GLIS1: variants seen among roughly 807,000 people sequenced by gnomAD.
GLIS1 encodes the protein GLIS family zinc finger 1.
In GLIS1, 24 loss-of-function variants were observed where a neutral mutation model predicts 63.8. That is an observed-to-expected ratio of 0.38 (90% CI 0.27 to 0.53). The LOEUF is 0.53. Ranked by LOEUF, GLIS1 falls within the 20% of genes least tolerant of loss-of-function variation. The pLI is 0.85. For synonymous variants in GLIS1, 450 were observed against 482.5 expected (o/e 0.93, Z 0.88); for missense variants, 1,036 against 1,074.1 (o/e 0.96, Z 0.50).
At position 53,509,364 on chromosome 1, in the gene GLIS1, C is replaced by T. The variant is rs371224897; in HGVS notation, c.2063-77G>A. The T allele has an allele frequency of 2.4e-4, 326 of 1,354,830 alleles. 2 individuals are homozygous for T. In the South Asian group the frequency reaches 4.2e-3, roughly 17 times the overall value. 83.9% of individuals were successfully genotyped at this position (1,354,830 alleles called of 1,614,324 possible). A position where few individuals can be genotyped will look rare whatever the true frequency, so the allele number is the denominator to read the frequency against. On this transcript the variant is annotated intron_variant, in intron 9 of 10. Coordinates refer to ENST00000628545, the MANE Select transcript of GLIS1 (RefSeq NM_001367484.1). ...CAGGGAGGGGAACATCCTTGCTGCACGCTCCACCTCCCGTGTTGTCCTGTC... is the reference window on the plus strand; with the variant it reads ...CAGGGAGGGGAACATCCTTGCTGCATGCTCCACCTCCCGTGTTGTCCTGTC...
At chr1:53,530,981 A>G (rs1481958721) in intron 4 of GLIS1, among the ~76,000 whole-genome samples, 1 of 152,214 alleles carries the variant, frequency 6.6e-6, no homozygotes, top group Non-Finnish European at 1.5e-5. Context: ...TGGACACACA[A>G]CAGCTGTGAA....
At chr1:53,702,779 A>G (rs1646537836) in intron 2 of GLIS1, among the ~76,000 whole-genome samples, 1 of 152,192 alleles carries the variant, frequency 6.6e-6, no homozygotes. Flanking sequence ...CTGCATGGCC[A>G]TAAAACAAAG....
At position 53,582,651 on chromosome 1, in the gene GLIS1, A is replaced by G. The variant is rs369935060; in HGVS notation, c.1320+11457T>C. Among the ~76,000 whole-genome samples the G allele has an allele frequency of 1.2e-3, 178 of 152,364 alleles. 2 individuals carry two copies. The highest frequency in any genetic ancestry group is 3.9e-3 in the African/African-American group (161 of 41,588). On this transcript the variant is annotated intron_variant, in intron 4 of 10. Transcript: ENST00000628545. ...TGGAAGGCAACACATGTAAGTGCTC[A>G]CCGCAGGTGGTACTAGCACACAGGT...
chr1:53,706,772 T>G (rs1646582964), intron 2 of GLIS1, among the ~76,000 whole-genome samples: 2 of 152,102 alleles, frequency 1.3e-5, no homozygotes, highest in Admixed American at 1.3e-4. Flanking sequence ...ACATAATACC[T>G]CAAATAAGAA....
chr1:53,680,609 G>T (rs1409241489), intron 2 of GLIS1, among the ~76,000 whole-genome samples: 1 of 152,224 alleles, frequency 6.6e-6, no homozygotes, highest in Non-Finnish European at 1.5e-5. Context: ...ATCCTCAGAA[G>T]ATGTGATAGT....
At chr1:53,738,747 C>A (rs3006890) in intron 1 of GLIS1, among the ~76,000 whole-genome samples, 2,299 of 152,288 alleles carry the variant, frequency 0.015, 63 homozygotes, top group African/African-American at 0.052. Context: ...GCGGAGGAAT[C>A]GAGCCCGTCG....
intron 4 of GLIS1, among the ~76,000 whole-genome samples, chr1:53,531,230 C>G (rs1644526907): frequency 6.6e-6 from 1 of 152,224 alleles, no homozygotes; most frequent in Non-Finnish European, 1.5e-5. Context: ...ATGTCCAGGG[C>G]TGAACAGCCA....
chr1:53,619,052 A>G (rs2100591458), intron 2 of GLIS1, among the ~76,000 whole-genome samples: 1 of 152,352 alleles, frequency 6.6e-6, no homozygotes, highest in South Asian at 2.1e-4. Flanking sequence ...TCCCCTGTCA[A>G]AAGGCTTCAT....
In GLIS1 at chr1:53,594,116, T is replaced by G. The variant is rs751657312; in HGVS notation, c.1312A>C (p.Lys438Gln). ...MRVHSGEKPNKCMFEGCSKAF... is the reference protein window; with the variant it reads ...MRVHSGEKPNQCMFEGCSKAF... ...GGCCGGTGGGAACTCACCATGCACTTGTTGGGCTTCTCGCCCGAGTGCACT... is the reference window on the plus strand; with the variant it reads ...GGCCGGTGGGAACTCACCATGCACTGGTTGGGCTTCTCGCCCGAGTGCACT... Residue 438 changes from lysine to glutamine, a missense_variant, in exon 4 of 11, where the codon AAG becomes CAG. Physicochemically the swap from Lys to Gln is moderately conservative, Grantham distance 53. Around this residue, in one of 3 missense-constraint regions of GLIS1, gnomAD observed 592 missense variants for 593.9 expected, o/e 1.00. Transcript: ENST00000628545. 1.2e-6 allele frequency: 2 copies of G among 1,608,806 alleles called. No homozygotes were observed. The highest frequency in any genetic ancestry group is 2.7e-5 in the African/African-American group (2 of 74,806).
chr1:53,645,320 TTC>T (rs1645832834), intron 2 of GLIS1, among the ~76,000 whole-genome samples: 2 of 152,354 alleles, frequency 1.3e-5, no homozygotes, highest in South Asian at 2.1e-4. Context: ...GCTCATTTGT[TTC>T]TGTTTCACTT....
Position 53,594,310 on chromosome 1 carries a change from C to A in GLIS1, c.1118G>T (p.Arg373Leu), listed in dbSNP as rs772471069. ...ATAGGCTGCACAGCAGTCCACCCAGCGGCACGCCTGCCGCCCGGCCACCAC... is the reference window on the plus strand; with the variant it reads ...ATAGGCTGCACAGCAGTCCACCCAGAGGCACGCCTGCCGCCCGGCCACCAC... ...GRVVAGRQAC[R>L]WVDCCAAYEQ... Residue 373 changes from arginine (R) to leucine (L), a missense_variant, in exon 4 of 11, where the codon CGC (arginine) becomes CTC (leucine). Physicochemically the swap from Arg to Leu is moderately radical, Grantham distance 102 (BLOSUM62 -2). Around this residue, in one of 3 missense-constraint regions of GLIS1, gnomAD observed 592 missense variants for 593.9 expected, o/e 1.00. Coordinates refer to ENST00000628545, the MANE Select transcript of GLIS1 (RefSeq NM_001367484.1). 1.2e-6 allele frequency: 2 copies of A among 1,612,218 alleles called. No homozygotes were observed. The highest frequency in any genetic ancestry group is 1.7e-5 in the Admixed American group (1 of 59,996).
intron 2 of GLIS1, among the ~76,000 whole-genome samples, chr1:53,660,958 G>A (rs1646021779): frequency 6.6e-6 from 1 of 152,192 alleles, no homozygotes; most frequent in Non-Finnish European, 1.5e-5. Flanking sequence ...ATGCAGGATG[G>A]GATGTGTGCT....
At chr1:53,597,339 C>T (rs1263032133) in intron 3 of GLIS1, among the ~76,000 whole-genome samples, 2 of 145,910 alleles carry the variant, frequency 1.4e-5, no homozygotes, top group African/African-American at 5.1e-5. Flanking sequence ...CGCCATTGCA[C>T]TCCAGCCTGG....
At chr1:53,523,738 G>A (rs945729979) in intron 6 of GLIS1, among the ~76,000 whole-genome samples, 1 of 152,230 alleles carries the variant, frequency 6.6e-6, no homozygotes. Context: ...AGTCCCCTCA[G>A]GAACTCACAC....
chr1:53,638,628 G>A (rs61775445), intron 2 of GLIS1, among the ~76,000 whole-genome samples: 22,053 of 152,140 alleles, frequency 0.14, 1,834 homozygotes, highest in South Asian at 0.26. Context: ...AGACCCTGGC[G>A]TCTGGGGGCA....
intron 4 of GLIS1, among the ~76,000 whole-genome samples, chr1:53,561,565 G>A (rs1644892469): frequency 6.6e-6 from 1 of 152,228 alleles, no homozygotes; most frequent in Non-Finnish European, 1.5e-5. Context: ...AACACTGCCG[G>A]AGAAGAGACC....
In GLIS1 at chr1:53,655,188, T is replaced by C. The variant is rs894544477; in HGVS notation, c.260-54910A>G. On this transcript the variant is annotated intron_variant, in intron 2 of 10. Coordinates refer to ENST00000628545, the MANE Select transcript of GLIS1 (RefSeq NM_001367484.1). ...CTTCAGATGTAGGAATGCCCAGGTG[T>C]TCCTTTCTCACCTGACACCTTACTT... Among the ~76,000 whole-genome samples, 6 of 152,122 alleles carry C rather than the reference T, an allele frequency of 3.9e-5. 1 individual carries two copies. In the East Asian group the frequency reaches 9.6e-4, roughly 24 times the overall value.
chr1:53,528,735 C>T (rs1644496927), intron 5 of GLIS1, among the ~76,000 whole-genome samples: 1 of 152,104 alleles, frequency 6.6e-6, no homozygotes, highest in African/African-American at 2.4e-5. Context: ...GGGTCAGCTG[C>T]CCTCCTGGGC....
chr1:53,653,261 T>C (rs1299464119), intron 2 of GLIS1, among the ~76,000 whole-genome samples: 2 of 152,198 alleles, frequency 1.3e-5, no homozygotes, highest in African/African-American at 4.8e-5. Context: ...TGGATGGACA[T>C]ATAGATGGGG....
Sources: allele counts gnomAD v4.1 joint callset (sites outside exome capture counted in the v4.1 genomes callset), GRCh38; gene constraint gnomAD v4.1.1; regional missense constraint gnomAD v4.1.1; transcripts MANE v1.5; gene names NCBI Gene and HGNC (gene_info 2026-07-23, HGNC 2026-07-21).